Variants in TMEM232 observed in about 807,000 individuals in gnomAD.
The protein encoded by TMEM232 is transmembrane protein 232.
A neutral mutation model predicts 78.8 loss-of-function variants in TMEM232; 80 were observed. The ratio of observed to expected loss-of-function variants is 1.01; its 90% confidence interval spans 0.85 to 1.22. TMEM232 has a LOEUF of 1.22. Ranked by LOEUF, TMEM232 falls within the 50% of genes most tolerant of loss-of-function variation. The pLI, the probability that TMEM232 is intolerant of heterozygous loss-of-function variation, is 0.00. For missense variants in TMEM232, 881 were observed against 742.2 expected, an observed-to-expected ratio of 1.19 and a Z score of -2.17; for synonymous variants, 297 against 254.3, an observed-to-expected ratio of 1.17 and a Z score of -1.60.
chr5:110,608,199 A>G (rs1034804624), intron 8 of TMEM232, among the ~76,000 whole-genome samples: 1 of 151,988 alleles, frequency 6.6e-6, no homozygotes, highest in Non-Finnish European at 1.5e-5. Context: ...CTTGTCTATA[A>G]AGAAAATACA....
rs1196129157 is a variant in TMEM232, at chr5:110,528,701, G to C, written c.1590C>G (p.Pro530=). 1 of 1,534,770 alleles carries C rather than the reference G, an allele frequency of 6.5e-7. No homozygotes were observed. The highest frequency in any genetic ancestry group is 8.7e-7 in the Non-Finnish European group (1 of 1,146,294). ...TCAAAGGAAGAAAATGGGCCTCAAT[G>C]GGGGGAAAGAATAGTTTGGAAAGAG... ...ANTLSKLFFP[P]IEAHFLPLKK... is the part of the protein sequence containing the mutation. The change falls in exon 12 of 14, where the codon CCC becomes CCG. Residue 530 remains proline (P), a synonymous_variant. Coordinates refer to ENST00000455884, the MANE Select transcript of TMEM232 (RefSeq NM_001039763.4).
chr5:110,572,234 C>T (rs891339384), intron 10 of TMEM232, among the ~76,000 whole-genome samples: 4 of 151,890 alleles, frequency 2.6e-5, no homozygotes, highest in African/African-American at 9.7e-5. Flanking sequence ...GGAAGGGAGA[C>T]TCTAATGTTC....
At chr5:110,689,277 G>A (rs1399476854) in intron 1 of TMEM232, among the ~76,000 whole-genome samples, 1 of 152,014 alleles carries the variant, frequency 6.6e-6, no homozygotes, top group Non-Finnish European at 1.5e-5. Flanking sequence ...ACAGAGTCTT[G>A]GAGTAGCCAA....
At position 110,486,412 on chromosome 5, in the gene TMEM232, G is replaced by GT. The variant is rs1764471887; in HGVS notation, c.1703+42175dup. On this transcript the variant is annotated intron_variant, in intron 12 of 13. Transcript: ENST00000455884. The stretch of plus-strand genomic sequence containing the variant: ...CTTGTTTAAGCCAATGTCTAGAAGG[G>GT]TTTTTCCAGTGTTTTCTCCTAGAAT... Among the ~76,000 whole-genome samples, 3 of 151,982 alleles carry GT rather than the reference G, an allele frequency of 2.0e-5. No individual in the cohort carries two copies. The South Asian group carries it at 6.2e-4, about 32-fold the overall frequency.
chr5:110,603,322 G>C (rs1159443742), intron 10 of TMEM232, among the ~76,000 whole-genome samples: 4 of 151,978 alleles, frequency 2.6e-5, no homozygotes, highest in Non-Finnish European at 2.9e-5. Context: ...AAAAATATCA[G>C]ACTGTTGAGG....
chr5:110,653,490 G>A (rs1332660604), intron 2 of TMEM232, among the ~76,000 whole-genome samples: 2 of 152,128 alleles, frequency 1.3e-5, no homozygotes, highest in Admixed American at 6.6e-5. Flanking sequence ...TGAAGCCTTG[G>A]CAGGAACTCG....
chr5:110,610,248 G>GAGGA (rs1427420014), intron 8 of TMEM232, among the ~76,000 whole-genome samples: 1 of 137,954 alleles, frequency 7.2e-6, no homozygotes, highest in African/African-American at 3.1e-5. Flanking sequence ...GGAAGGAAGG[G>GAGGA]AGGAAGGGAG....
intron 1 of TMEM232, among the ~76,000 whole-genome samples, chr5:110,691,145 G>GAAAAA (rs113172226): frequency 5.7e-5 from 8 of 139,162 alleles, no homozygotes; most frequent in Admixed American, 7.3e-5. Context: ...AAAGTATAAG[G>GAAAAA]AAAAAAAAAA....
intron 1 of TMEM232, among the ~76,000 whole-genome samples, chr5:110,709,715 C>A (rs1796280929): frequency 6.6e-6 from 1 of 151,962 alleles, no homozygotes; most frequent in African/African-American, 2.4e-5. Context: ...ATACCAAAAT[C>A]TATGGGATAT....
At chr5:110,610,555 T>A (rs1455156432) in intron 8 of TMEM232, 1 of 456,228 alleles carries the variant, frequency 2.2e-6, no homozygotes, top group South Asian at 1.6e-5. Flanking sequence ...CTTCTCAAAG[T>A]GAAGTTTCTC....
intron 2 of TMEM232, among the ~76,000 whole-genome samples, chr5:110,648,830 C>A (rs535831604): frequency 1.1e-4 from 16 of 152,172 alleles, no homozygotes; most frequent in African/African-American, 3.9e-4. Flanking sequence ...CTTTGGGACA[C>A]AGGATTTTAA....
intron 1 of TMEM232, chr5:110,720,978 T>G (rs765294575): frequency 6.6e-6 from 1 of 152,038 alleles, no homozygotes; most frequent in Non-Finnish European, 1.5e-5. Flanking sequence ...ACATACAAAA[T>G]CTATGCCACA....
chr5:110,602,504 A>T (rs1160953745), intron 10 of TMEM232, among the ~76,000 whole-genome samples: 1 of 152,238 alleles, frequency 6.6e-6, no homozygotes, highest in African/African-American at 2.4e-5. Context: ...ACTATTTAAA[A>T]GAAAACATTT....
At chr5:110,497,267 T>C (rs916060259) in intron 12 of TMEM232, among the ~76,000 whole-genome samples, 1 of 152,010 alleles carries the variant, frequency 6.6e-6, no homozygotes, top group Admixed American at 6.6e-5. Flanking sequence ...GGCAATAAAA[T>C]TACATGATAA....
At chr5:110,481,440 C>A (rs923504876) in intron 12 of TMEM232, among the ~76,000 whole-genome samples, 2 of 152,012 alleles carry the variant, frequency 1.3e-5, no homozygotes, top group Non-Finnish European at 2.9e-5. Flanking sequence ...AATAAATTGG[C>A]CACTGGGTTA....
chr5:110,652,026 T>G (rs1363548300), intron 2 of TMEM232, among the ~76,000 whole-genome samples: 1 of 152,162 alleles, frequency 6.6e-6, no homozygotes, highest in Non-Finnish European at 1.5e-5. Flanking sequence ...TAAAATGTAC[T>G]TTGTTTTACA....
At chr5:110,631,444 G>A (rs189900603) in intron 5 of TMEM232, among the ~76,000 whole-genome samples, 10 of 152,250 alleles carry the variant, frequency 6.6e-5, no homozygotes, top group Admixed American at 2.0e-4. Context: ...AGCTATCTGG[G>A]GCTGAGGGCA....
intron 2 of TMEM232, among the ~76,000 whole-genome samples, chr5:110,656,531 T>A (rs1371900942): frequency 6.6e-6 from 1 of 152,010 alleles, no homozygotes; most frequent in Non-Finnish European, 1.5e-5. Flanking sequence ...CACAGAAATA[T>A]CAAGACTAAA....
At chr5:110,624,409 A>G (rs547223168) in intron 7 of TMEM232, among the ~76,000 whole-genome samples, 95 of 152,158 alleles carry the variant, frequency 6.2e-4, no homozygotes, top group Middle Eastern at 6.8e-3. Flanking sequence ...CTTTTTAAAG[A>G]TATGCAAATG....
Sources: gnomAD v4.1 joint callset for allele counts (sites outside exome capture counted in the v4.1 genomes callset) on GRCh38, gnomAD v4.1.1 for gene constraint, MANE v1.5 for transcripts, NCBI Gene and HGNC (gene_info 2026-07-23, HGNC 2026-07-21) for gene names.